Variants in FBXL7 observed in about 807,000 individuals in gnomAD.
The protein encoded by FBXL7 is F-box and leucine rich repeat protein 7.
Under a neutral mutation model 38.3 loss-of-function variants are expected in FBXL7, and 12 were observed. The observed-to-expected ratio is 0.31, with a 90% CI of 0.20 to 0.51. The LOEUF (loss-of-function observed/expected upper bound fraction) is 0.51. Ranked by LOEUF, FBXL7 falls within the 20% of genes least tolerant of loss-of-function variation. The pLI is 0.98. For synonymous variants in FBXL7, 297 were observed against 300.9 expected (o/e 0.99, Z 0.13); for missense variants, 567 against 676.4 (o/e 0.84, Z 1.79).
intron 2 of FBXL7, among the ~76,000 whole-genome samples, chr5:15,645,495 T>G (rs569660469): frequency 6.6e-6 from 1 of 152,266 alleles, no homozygotes; most frequent in African/African-American, 2.4e-5. Context: ...AACCAACAAA[T>G]GTACTTCTTA....
At chr5:15,816,656 A>G (rs191200111) in intron 2 of FBXL7, among the ~76,000 whole-genome samples, 57 of 152,324 alleles carry the variant, frequency 3.7e-4, no homozygotes, top group African/African-American at 1.3e-3. Flanking sequence ...AAAAAAATTA[A>G]CTGGTGGAAA....
At chr5:15,888,928 A>T (rs1193369634) in intron 2 of FBXL7, among the ~76,000 whole-genome samples, 1 of 152,224 alleles carries the variant, frequency 6.6e-6, no homozygotes, top group Non-Finnish European at 1.5e-5. Context: ...TTATCTGTGC[A>T]GAGAGATTTC....
chr5:15,933,586 C>T (rs1202863508), intron 3 of FBXL7, among the ~76,000 whole-genome samples: 2 of 152,354 alleles, frequency 1.3e-5, no homozygotes, highest in East Asian at 3.9e-4. Context: ...TGCAAAACCA[C>T]AAAGCCCACT....
At chr5:15,708,661 A>T (rs1430877141) in intron 2 of FBXL7, among the ~76,000 whole-genome samples, 1 of 152,160 alleles carries the variant, frequency 6.6e-6, no homozygotes, top group Non-Finnish European at 1.5e-5. Context: ...AGAGGAAAAA[A>T]TTCCTTTTTT....
intron 2 of FBXL7, among the ~76,000 whole-genome samples, chr5:15,878,671 A>G (rs1740314910): frequency 6.6e-6 from 1 of 152,218 alleles, no homozygotes; most frequent in Non-Finnish European, 1.5e-5. Context: ...CCTTTCATCC[A>G]TACTAAAGCA....
In FBXL7 at chr5:15,936,796, G is replaced by A. The variant is rs373933667; in HGVS notation, c.1086G>A (p.Arg362=). The A allele has an allele frequency of 4.3e-5, 69 of 1,612,362 alleles. No individual in the cohort carries two copies. The African/African-American group carries it at 7.7e-4, about 18-fold the overall frequency. ...LRYLSIAHCG[R]VTDVGIRYVA... Reference sequence around the variant, plus strand: ...ACCTGAGCATCGCGCACTGCGGCCGGGTCACCGACGTGGGCATCCGCTACG... The same window carrying A: ...ACCTGAGCATCGCGCACTGCGGCCGAGTCACCGACGTGGGCATCCGCTACG... Residue 362 remains arginine (R), a synonymous_variant, in exon 4 of 4, where the codon CGG becomes CGA. Coordinates refer to ENST00000504595, the MANE Select transcript of FBXL7 (RefSeq NM_012304.5). The surrounding 1 kb of genome is among the most constrained non-coding windows in gnomAD (Gnocchi z 6.0).
intron 2 of FBXL7, among the ~76,000 whole-genome samples, chr5:15,890,393 C>T (rs2126375313): frequency 6.6e-6 from 1 of 152,246 alleles, no homozygotes; most frequent in South Asian, 2.1e-4. Context: ...GGATTACAGG[C>T]ATGACGCCCA....
chr5:15,867,055 C>T (rs1265221013), intron 2 of FBXL7, among the ~76,000 whole-genome samples: 4 of 152,132 alleles, frequency 2.6e-5, no homozygotes, highest in African/African-American at 9.7e-5. Flanking sequence ...TTTTTTTCCA[C>T]TCTACATATA....
intron 2 of FBXL7, among the ~76,000 whole-genome samples, chr5:15,795,924 T>C (rs1426436481): frequency 6.6e-6 from 1 of 152,168 alleles, no homozygotes; most frequent in Non-Finnish European, 1.5e-5. Context: ...CTGGGAATAA[T>C]AGTGGTCCAA....
At chr5:15,546,167 C>A (rs181821575) in intron 1 of FBXL7, among the ~76,000 whole-genome samples, 4 of 152,320 alleles carry the variant, frequency 2.6e-5, no homozygotes, top group African/African-American at 9.6e-5. Context: ...CAGTGACTCA[C>A]GCCTGTAATC....
intron 1 of FBXL7, among the ~76,000 whole-genome samples, chr5:15,562,642 C>T (rs564892264): frequency 2.6e-5 from 4 of 151,964 alleles, no homozygotes; most frequent in African/African-American, 9.6e-5. Flanking sequence ...CTGTCTGCTT[C>T]CCTCCCTATA....
chr5:15,839,308 C>T (rs1485631475), intron 2 of FBXL7, among the ~76,000 whole-genome samples: 2 of 152,018 alleles, frequency 1.3e-5, no homozygotes, highest in African/African-American at 2.4e-5. Context: ...AAATAATTCT[C>T]TCCCCTGACA....
At chr5:15,763,647 T>C (rs1310705826) in intron 2 of FBXL7, among the ~76,000 whole-genome samples, 1 of 152,222 alleles carries the variant, frequency 6.6e-6, no homozygotes, top group African/African-American at 2.4e-5. Flanking sequence ...TTATTTTTTA[T>C]CTTGGTTTTA....
intron 2 of FBXL7, among the ~76,000 whole-genome samples, chr5:15,786,973 C>A (rs551953182): frequency 2.6e-5 from 4 of 152,116 alleles, no homozygotes; most frequent in Non-Finnish European, 4.4e-5. Flanking sequence ...GAGACCCACA[C>A]AGAGGAGAAA....
At chr5:15,897,034 T>G (rs1741119884) in intron 2 of FBXL7, among the ~76,000 whole-genome samples, 2 of 152,122 alleles carry the variant, frequency 1.3e-5, no homozygotes, top group Admixed American at 6.6e-5. Flanking sequence ...CTCTGGAGGG[T>G]GAGGCACAAG....
At chr5:15,644,304 C>CAAAAAAAAAAAAAAAAAA (rs369213583) in intron 2 of FBXL7, among the ~76,000 whole-genome samples, 1 of 94,804 alleles carries the variant, frequency 1.1e-5, no homozygotes, top group African/African-American at 3.9e-5. Flanking sequence ...ACTAAAAATC[C>CAAAAAAAAAAAAAAAAAA]AAAAAAAAAA....
chr5:15,826,589 T>C (rs1738316642), intron 2 of FBXL7, among the ~76,000 whole-genome samples: 1 of 152,100 alleles, frequency 6.6e-6, no homozygotes, highest in Admixed American at 6.6e-5. Context: ...CAGCTAATTT[T>C]TGTATTTTCA....
At chr5:15,690,643 C>T (rs1017453625) in intron 2 of FBXL7, among the ~76,000 whole-genome samples, 5 of 152,136 alleles carry the variant, frequency 3.3e-5, no homozygotes, top group Admixed American at 6.5e-5. Context: ...TAATTCTCAA[C>T]GTGGATGAAC....
chr5:15,547,344 G>A (rs1020821629), intron 1 of FBXL7, among the ~76,000 whole-genome samples: 2 of 152,152 alleles, frequency 1.3e-5, no homozygotes, highest in Admixed American at 6.5e-5. Flanking sequence ...GGTGTCTGGG[G>A]AGCCACGCTT....
Sources: gnomAD v4.1 joint callset for allele counts (sites outside exome capture counted in the v4.1 genomes callset) on GRCh38, gnomAD v4.1.1 for gene constraint, Gnocchi (gnomAD v3.1) non-coding constraint, MANE v1.5 for transcripts, NCBI Gene and HGNC (gene_info 2026-07-23, HGNC 2026-07-21) for gene names.